The following LRMDA variants were observed in gnomAD, a reference collection of about 807,000 sequenced individuals.
LRMDA encodes leucine-rich melanocyte differentiation-associated protein.
Under a neutral mutation model 29.8 loss-of-function variants are expected in LRMDA, and 18 were observed. The ratio of observed to expected loss-of-function variants is 0.60; its 90% CI spans 0.42 to 0.90. LRMDA has a LOEUF of 0.90. Among genes scored for constraint, LRMDA ranks in the 40% least tolerant of loss-of-function variants. LRMDA has a pLI of 0.00. For synonymous variants in LRMDA, 125 were observed against 109.4 expected (o/e 1.14, Z -0.89); for missense variants, 273 against 273.9 (o/e 1.00, Z 0.02).
intron 2 of LRMDA, among the ~76,000 whole-genome samples, chr10:75,519,491 T>C (rs1468295247): frequency 6.6e-6 from 1 of 152,242 alleles, no homozygotes; most frequent in Non-Finnish European, 1.5e-5. Flanking sequence ...TATCAGAGAC[T>C]AGGATTGCAC....
intron 4 of LRMDA, among the ~76,000 whole-genome samples, chr10:76,052,597 T>G (rs991690763): frequency 1.3e-5 from 2 of 152,222 alleles, no homozygotes; most frequent in Non-Finnish European, 2.9e-5. Flanking sequence ...CCTGTTCCTT[T>G]TCTCCTCCTA....
intron 6 of LRMDA, among the ~76,000 whole-genome samples, chr10:76,442,180 C>T (rs1209119569): frequency 1.3e-5 from 2 of 152,116 alleles, no homozygotes; most frequent in Non-Finnish European, 2.9e-5. Flanking sequence ...TTATTGCTAA[C>T]CCTTGGTTTT....
chr10:75,598,398 C>T (rs954279459), intron 2 of LRMDA, among the ~76,000 whole-genome samples: 1 of 152,116 alleles, frequency 6.6e-6, no homozygotes, highest in Non-Finnish European at 1.5e-5. Context: ...AAAAGAGAGT[C>T]GTCGTGTCCC....
intron 5 of LRMDA, among the ~76,000 whole-genome samples, chr10:76,276,346 G>A (rs752275957): frequency 5.3e-5 from 8 of 151,172 alleles, no homozygotes; most frequent in Non-Finnish European, 1.2e-4. Flanking sequence ...GTCTTGCTCT[G>A]TTGTCCAGAC....
chr10:75,788,996 A>G (rs921304911), intron 2 of LRMDA, among the ~76,000 whole-genome samples: 2 of 152,234 alleles, frequency 1.3e-5, no homozygotes, highest in Non-Finnish European at 2.9e-5. Flanking sequence ...TGCTAGGTCA[A>G]AGGGTATGTG....
At chr10:75,738,378 T>C (rs1842790939) in intron 2 of LRMDA, among the ~76,000 whole-genome samples, 2 of 152,140 alleles carry the variant, frequency 1.3e-5, no homozygotes, top group African/African-American at 4.8e-5. Flanking sequence ...GGCCTCTCCT[T>C]TCCCTGCCTC....
At chr10:75,850,219 C>G (rs1310391446) in intron 2 of LRMDA, among the ~76,000 whole-genome samples, 1 of 152,118 alleles carries the variant, frequency 6.6e-6, no homozygotes, top group Non-Finnish European at 1.5e-5. Context: ...AGCGGTCTCT[C>G]AATTGGGAAT....
chr10:76,469,963 C>A (rs1842601567), intron 6 of LRMDA, among the ~76,000 whole-genome samples: 1 of 152,044 alleles, frequency 6.6e-6, no homozygotes, highest in South Asian at 2.1e-4. Context: ...CATCCCTTCT[C>A]CCCTATGATC....
chr10:76,356,909 A>G (rs1366347907), intron 6 of LRMDA, among the ~76,000 whole-genome samples: 1 of 152,174 alleles, frequency 6.6e-6, no homozygotes, highest in Non-Finnish European at 1.5e-5. Context: ...GATATAAACA[A>G]TGACTTTGGA....
At chr10:76,532,367 C>T (rs1356073516) in intron 6 of LRMDA, among the ~76,000 whole-genome samples, 1 of 152,198 alleles carries the variant, frequency 6.6e-6, no homozygotes, top group Non-Finnish European at 1.5e-5. Flanking sequence ...TCTGGGCCTT[C>T]TGTTTGGTAA....
intron 2 of LRMDA, among the ~76,000 whole-genome samples, chr10:75,588,785 C>T (rs1840685856): frequency 6.6e-6 from 1 of 152,004 alleles, no homozygotes; most frequent in Admixed American, 6.5e-5. Flanking sequence ...TGTATTTTTT[C>T]AGAGTTTCTA....
intron 2 of LRMDA, chr10:75,782,641 G>A (rs1290677726): frequency 1.4e-5 from 12 of 884,480 alleles, no homozygotes; most frequent in African/African-American, 3.5e-5. Flanking sequence ...GGCATGTTCT[G>A]AGCTTCTTTT....
intron 6 of LRMDA, among the ~76,000 whole-genome samples, chr10:76,363,574 T>C (rs909959212): frequency 6.6e-6 from 1 of 152,052 alleles, no homozygotes; most frequent in African/African-American, 2.4e-5. Flanking sequence ...TGAGGGGTAG[T>C]GTGGTATGTA....
At chr10:75,508,888 T>G (rs1845196076) in intron 2 of LRMDA, among the ~76,000 whole-genome samples, 1 of 152,206 alleles carries the variant, frequency 6.6e-6, no homozygotes, top group Non-Finnish European at 1.5e-5. Context: ...TGGGCACTGG[T>G]GGAACTTTTT....
At chr10:76,232,444 C>T (rs1394922512) in intron 5 of LRMDA, among the ~76,000 whole-genome samples, 5 of 152,156 alleles carry the variant, frequency 3.3e-5, no homozygotes, top group South Asian at 2.1e-4. Context: ...AGTTTTTATA[C>T]CCTCTTCATA....
At chr10:76,490,163 T>A (rs895822498) in intron 6 of LRMDA, among the ~76,000 whole-genome samples, 1 of 152,064 alleles carries the variant, frequency 6.6e-6, no homozygotes, top group Non-Finnish European at 1.5e-5. Context: ...AGATGCTTGA[T>A]ATTAGTTCAA....
At chr10:76,357,176 A>G (rs1466056504) in intron 6 of LRMDA, among the ~76,000 whole-genome samples, 2 of 152,176 alleles carry the variant, frequency 1.3e-5, no homozygotes, top group Non-Finnish European at 2.9e-5. Context: ...TCAGGAGAGT[A>G]TATAAAGGAG....
intron 5 of LRMDA, among the ~76,000 whole-genome samples, chr10:76,313,771 T>C (rs1009292762): frequency 6.6e-6 from 1 of 152,092 alleles, no homozygotes; most frequent in Non-Finnish European, 1.5e-5. Flanking sequence ...TAAATAACAA[T>C]TGAATATATA....
chr10:76,397,814 T>C (rs10509373), intron 6 of LRMDA, among the ~76,000 whole-genome samples: 48,105 of 151,904 alleles, frequency 0.32, 9,767 homozygotes, highest in Non-Finnish European at 0.45. Context: ...GGGAAATGCC[T>C]GAAGACTCAC....
Sources: gnomAD v4.1 joint callset for allele counts (sites outside exome capture counted in the v4.1 genomes callset) on GRCh38, gnomAD v4.1.1 for gene constraint, MANE v1.5 for transcripts, NCBI Gene and HGNC (gene_info 2026-07-23, HGNC 2026-07-21) for gene names.